BRINP2: variants seen among roughly 807,000 people sequenced by gnomAD.
The protein encoded by BRINP2 is BMP/retinoic acid inducible neural specific 2.
A neutral mutation model predicts 69.2 loss-of-function variants in BRINP2; 21 were observed. The observed-to-expected ratio is 0.30, with a 90% CI of 0.22 to 0.44. The LOEUF is 0.44. Among genes scored for constraint, BRINP2 ranks in the 20% least tolerant of loss-of-function variants. The pLI is 1.00. For missense variants in BRINP2, 877 were observed against 986.0 expected (o/e 0.89, Z 1.48); for synonymous variants, 380 against 394.1 (o/e 0.96, Z 0.42).
At chr1:177,267,244 T>C (rs939261857) in intron 4 of BRINP2, among the ~76,000 whole-genome samples, 10 of 96,668 alleles carry the variant, frequency 1.0e-4, no homozygotes, top group Non-Finnish European at 2.0e-4. Flanking sequence ...AAATCTAACC[T>C]AGGCACACGA....
rs71129597 is a variant in BRINP2, at chr1:177,183,137, C to CTTT, written c.-77+11428_-77+11430dup. On this transcript the variant is annotated intron_variant, in intron 1 of 7. Coordinates refer to ENST00000361539, the MANE Select transcript of BRINP2 (RefSeq NM_021165.4). ...TTTCCAGGTGATGGCAGTGTGTGAG[C>CTTT]TTTTTTTTTTTTTTTTTTTTTTTTT... is the stretch of plus-strand genomic sequence containing the variant. Among the ~76,000 whole-genome samples the CTTT allele has an allele frequency of 5.7e-3, 311 of 54,186 alleles. 10 individuals are homozygous for CTTT. Among genetic ancestry groups the CTTT allele is most frequent in the African/African-American group, 0.01 (138 of 13,400 alleles). 35.5% of individuals were successfully genotyped at this position (54,186 alleles called of 152,430 possible).
At chr1:177,273,234 A>G (rs1162417691) in intron 4 of BRINP2, among the ~76,000 whole-genome samples, 2 of 152,168 alleles carry the variant, frequency 1.3e-5, no homozygotes, top group African/African-American at 4.8e-5. Context: ...CCAGACACAA[A>G]TTCCCTTTAG....
At chr1:177,256,202 C>T in intron 3 of BRINP2, 93 bp downstream of exon 3, 2 of 1,464,674 alleles carry the variant, frequency 1.4e-6, no homozygotes, top group African/African-American at 2.8e-5. Context: ...GTCTTATCTT[C>T]TTCCGGGCCT....
At chr1:177,270,857 A>G (rs1396022087) in intron 4 of BRINP2, among the ~76,000 whole-genome samples, 2 of 152,200 alleles carry the variant, frequency 1.3e-5, no homozygotes, top group African/African-American at 2.4e-5. Context: ...GTTATTGGCC[A>G]TGGCTCTTCA....
intron 1 of BRINP2, among the ~76,000 whole-genome samples, chr1:177,221,350 T>C (rs1465729480): frequency 6.6e-6 from 1 of 152,200 alleles, no homozygotes; most frequent in Non-Finnish European, 1.5e-5. Flanking sequence ...TCATGGGTTT[T>C]GAATTTTGAA....
At chr1:177,234,337 G>C (rs1051407704) in intron 2 of BRINP2, among the ~76,000 whole-genome samples, 18 of 152,084 alleles carry the variant, frequency 1.2e-4, no homozygotes, top group African/African-American at 4.1e-4. Context: ...CATTACTCTA[G>C]ACCATGCCAC....
At chr1:177,185,670 C>T (rs1648406576) in intron 1 of BRINP2, among the ~76,000 whole-genome samples, 1 of 152,196 alleles carries the variant, frequency 6.6e-6, no homozygotes, top group African/African-American at 2.4e-5. Flanking sequence ...AAGTCAGACA[C>T]TTGTATTATT....
chr1:177,201,995 C>A (rs1040922327), intron 1 of BRINP2, among the ~76,000 whole-genome samples: 3 of 152,212 alleles, frequency 2.0e-5, no homozygotes, highest in African/African-American at 7.2e-5. Context: ...CGTAGAGGTG[C>A]TCATAGTATT....
intron 1 of BRINP2, among the ~76,000 whole-genome samples, chr1:177,190,705 T>G (rs1648560506): frequency 6.6e-6 from 1 of 152,172 alleles, no homozygotes; most frequent in Non-Finnish European, 1.5e-5. Flanking sequence ...CTGTCTGCTT[T>G]GATTCAGGCA....
In BRINP2 at chr1:177,230,020, C is replaced by T. The variant is rs746624639; in HGVS notation, c.144C>T (p.Ser48=). 2.5e-6 allele frequency: 4 copies of T among 1,613,556 alleles called. No individual in the cohort carries two copies. Among genetic ancestry groups the T allele is most frequent in the Middle Eastern group, 1.6e-4 (1 of 6,080 alleles). Residue 48 remains serine, a synonymous_variant, in exon 2 of 8, where the codon TCC becomes TCT. Coordinates refer to ENST00000361539, the MANE Select transcript of BRINP2 (RefSeq NM_021165.4). The part of the protein sequence containing the change: ...AAAVVPEQHA[S]VAGQHPLDWL... Reference sequence around the variant, plus strand: ...CTGTGGTCCCCGAGCAGCATGCCTCCGTAGCTGGCCAGCATCCCCTGGACT... The same window carrying T: ...CTGTGGTCCCCGAGCAGCATGCCTCTGTAGCTGGCCAGCATCCCCTGGACT...
At chr1:177,272,153 C>T (rs1651347921) in intron 4 of BRINP2, among the ~76,000 whole-genome samples, 1 of 152,216 alleles carries the variant, frequency 6.6e-6, no homozygotes, top group African/African-American at 2.4e-5. Flanking sequence ...CCACTCCCTA[C>T]TTCTCCTTAG....
At chr1:177,223,280 C>T (rs1649595238) in intron 1 of BRINP2, among the ~76,000 whole-genome samples, 1 of 152,060 alleles carries the variant, frequency 6.6e-6, no homozygotes, top group Non-Finnish European at 1.5e-5. Flanking sequence ...AAATTTGGGG[C>T]CTCAGAGGAG....
At chr1:177,224,779 G>A (rs1385582631) in intron 1 of BRINP2, among the ~76,000 whole-genome samples, 1 of 152,130 alleles carries the variant, frequency 6.6e-6, no homozygotes, top group Non-Finnish European at 1.5e-5. Context: ...TTCATAAGCA[G>A]TAACTACCTC....
At chr1:177,202,988 A>G (rs553396936) in intron 1 of BRINP2, among the ~76,000 whole-genome samples, 1 of 152,228 alleles carries the variant, frequency 6.6e-6, no homozygotes, top group African/African-American at 2.4e-5. Flanking sequence ...TATATACCCA[A>G]AGGATTATAA....
chr1:177,231,993 T>A (rs1479791460), intron 2 of BRINP2, among the ~76,000 whole-genome samples: 2 of 152,184 alleles, frequency 1.3e-5, no homozygotes, highest in Non-Finnish European at 2.9e-5. Flanking sequence ...TTCAAAAAAA[T>A]CAGAAAATCC....
intron 1 of BRINP2, among the ~76,000 whole-genome samples, chr1:177,187,221 A>G (rs2902095): frequency 0.24 from 36,186 of 151,942 alleles, 8,534 homozygotes; most frequent in African/African-American, 0.61. Context: ...CTGCCCTAGC[A>G]TATTGTGCCC....
At chr1:177,173,176 A>G (rs1220179694) in intron 1 of BRINP2, among the ~76,000 whole-genome samples, 1 of 152,170 alleles carries the variant, frequency 6.6e-6, no homozygotes, top group African/African-American at 2.4e-5. Context: ...ACCCAGAATA[A>G]GTTGCTTTGC....
chr1:177,171,046 C>T lies in BRINP2; in HGVS notation c.-763C>T, dbSNP rs1402357356. Among the ~76,000 whole-genome samples, 1 of 152,250 alleles carries T rather than the reference C, an allele frequency of 6.6e-6. No homozygotes were observed. Among genetic ancestry groups the T allele is most frequent in the Non-Finnish European group, 1.5e-5 (1 of 68,040 alleles). The stretch of plus-strand genomic sequence containing the variant: ...CAGCTCTGGGATGCAATCCGCCTGC[C>T]TCGCAAGCTGCTCGCCGCTGCGCTG... On this transcript the variant is annotated 5_prime_UTR_variant, in exon 1 of 8. Transcript: ENST00000361539.
intron 7 of BRINP2, among the ~76,000 whole-genome samples, chr1:177,279,728 CAA>C (rs1468488928): frequency 9.9e-5 from 15 of 152,216 alleles, no homozygotes; most frequent in Non-Finnish European, 2.2e-4. Context: ...CTGTTGGTCT[CAA>C]GACAGTGTTC....
Sources: allele counts gnomAD v4.1 joint callset (sites outside exome capture counted in the v4.1 genomes callset), GRCh38; gene constraint gnomAD v4.1.1; transcripts MANE v1.5; gene names NCBI Gene and HGNC (gene_info 2026-07-23, HGNC 2026-07-21).